PID1: variants seen among roughly 807,000 people sequenced by gnomAD.
PID1 encodes the protein phosphotyrosine interaction domain containing 1.
Under a neutral mutation model 19.1 loss-of-function variants are expected in PID1, and 10 were observed. The observed-to-expected ratio is 0.52, with a 90% CI of 0.32 to 0.89. The LOEUF is 0.89. PID1 is among the 40% of genes least tolerant of loss of function. The pLI is 0.03. For missense variants in PID1, 248 were observed against 285.3 expected (o/e 0.87, Z 0.94); for synonymous variants, 130 against 116.0 (o/e 1.12, Z -0.78).
chr2:229,162,521 T>C (rs1690511453), intron 1 of PID1, among the ~76,000 whole-genome samples: 1 of 152,210 alleles, frequency 6.6e-6, no homozygotes. Context: ...TGGTCAGTTT[T>C]AACTTGCAAA....
intron 1 of PID1, among the ~76,000 whole-genome samples, chr2:229,181,966 T>C (rs1488679232): frequency 6.6e-6 from 1 of 152,226 alleles, no homozygotes; most frequent in Non-Finnish European, 1.5e-5. Context: ...GAAGGCCACA[T>C]ACTGTATGAT....
intron 2 of PID1, among the ~76,000 whole-genome samples, chr2:229,078,677 G>A (rs1254490475): frequency 6.6e-6 from 1 of 152,184 alleles, no homozygotes; most frequent in East Asian, 1.9e-4. Flanking sequence ...CATTGGTTCT[G>A]TTTATGTGAT....
intron 2 of PID1, among the ~76,000 whole-genome samples, chr2:229,060,131 A>G (rs1694182569): frequency 6.6e-6 from 1 of 152,142 alleles, no homozygotes; most frequent in Non-Finnish European, 1.5e-5. Flanking sequence ...GGTGGTGAAA[A>G]TATTTAAAGT....
chr2:229,215,424 T>A (rs1288981823), intron 1 of PID1, among the ~76,000 whole-genome samples: 1 of 152,388 alleles, frequency 6.6e-6, no homozygotes, highest in African/African-American at 2.4e-5. Flanking sequence ...TTTTCTTGAA[T>A]GTATCATTTA....
chr2:229,199,745 T>TATATATATATATATATATATAC (rs1491155550), intron 1 of PID1, among the ~76,000 whole-genome samples: 16 of 122,522 alleles, frequency 1.3e-4, no homozygotes, highest in Non-Finnish European at 2.7e-4. Context: ...TATATATATA[T>TATATATATATATATATATATAC]ACACATACAC....
intron 1 of PID1, among the ~76,000 whole-genome samples, chr2:229,208,456 A>C (rs137924910): frequency 6.6e-6 from 1 of 152,224 alleles, no homozygotes; most frequent in Non-Finnish European, 1.5e-5. Context: ...TAAAGATCCC[A>C]TTTGCAATTA....
chr2:229,053,576 C>T (rs1373725173), intron 2 of PID1, among the ~76,000 whole-genome samples: 1 of 152,202 alleles, frequency 6.6e-6, no homozygotes, highest in African/African-American at 2.4e-5. Flanking sequence ...AGGTCTCCCC[C>T]AGCAAGCCCG....
At chr2:229,207,510 T>C (rs1465469041) in intron 1 of PID1, among the ~76,000 whole-genome samples, 3 of 149,036 alleles carry the variant, frequency 2.0e-5, no homozygotes, top group African/African-American at 5.0e-5. Flanking sequence ...TTGGATCTAG[T>C]AGGACGACCT....
At chr2:229,074,186 C>T (rs1174974509) in intron 2 of PID1, among the ~76,000 whole-genome samples, 2 of 152,100 alleles carry the variant, frequency 1.3e-5, no homozygotes, top group Non-Finnish European at 2.9e-5. Flanking sequence ...TCAACAAATG[C>T]CACAATCTGT....
chr2:229,203,295 G>A (rs1691537523), intron 1 of PID1, among the ~76,000 whole-genome samples: 1 of 152,032 alleles, frequency 6.6e-6, no homozygotes, highest in Admixed American at 6.6e-5. Context: ...TCTACAAAGG[G>A]GATGGGGGAA....
chr2:229,143,151 A>T (rs1690053378), intron 2 of PID1, among the ~76,000 whole-genome samples: 1 of 144,314 alleles, frequency 6.9e-6, no homozygotes, highest in Non-Finnish European at 1.5e-5. Context: ...AACAATGAGA[A>T]CACATGGACA....
intron 2 of PID1, among the ~76,000 whole-genome samples, chr2:229,029,623 C>T (rs556045731): frequency 1.3e-5 from 2 of 151,724 alleles, no homozygotes; most frequent in Non-Finnish European, 2.9e-5. Context: ...GGGCGGAACA[C>T]GAGGTCAGGA....
intron 1 of PID1, among the ~76,000 whole-genome samples, chr2:229,187,034 A>T (rs1218623774): frequency 6.6e-6 from 1 of 152,150 alleles, no homozygotes; most frequent in African/African-American, 2.4e-5. Context: ...CTTTACTAAA[A>T]CATAGCAAGC....
chr2:229,214,771 T>C (rs1278368667), intron 1 of PID1, among the ~76,000 whole-genome samples: 1 of 152,130 alleles, frequency 6.6e-6, no homozygotes. Flanking sequence ...TTATTTTGCT[T>C]TTGTTTTTGT....
chr2:229,124,882 T>A (rs1695591440), intron 2 of PID1, among the ~76,000 whole-genome samples: 1 of 152,200 alleles, frequency 6.6e-6, no homozygotes, highest in African/African-American at 2.4e-5. Context: ...TCACTGTGTA[T>A]CTCCCTATTC....
chr2:229,224,015 T>C (rs1028678423), intron 1 of PID1, among the ~76,000 whole-genome samples: 3 of 152,188 alleles, frequency 2.0e-5, no homozygotes, highest in Non-Finnish European at 4.4e-5. Flanking sequence ...TTCCCATTTA[T>C]AAGTGATAAC....
chr2:229,052,288 G>GA (rs1295395792), intron 2 of PID1, among the ~76,000 whole-genome samples: 9 of 150,954 alleles, frequency 6.0e-5, no homozygotes, highest in African/African-American at 7.3e-5. Context: ...GGCCCCTGGG[G>GA]AAAAAAAAAT....
At chr2:229,156,702 T>C (rs1360914976) in intron 1 of PID1, among the ~76,000 whole-genome samples, 1 of 152,104 alleles carries the variant, frequency 6.6e-6, no homozygotes, top group Non-Finnish European at 1.5e-5. Context: ...AGAGAGATCC[T>C]TCTAAAATCT....
intron 2 of PID1, among the ~76,000 whole-genome samples, chr2:229,041,404 C>A (rs1693767875): frequency 6.6e-6 from 1 of 151,820 alleles, no homozygotes; most frequent in African/African-American, 2.4e-5. Flanking sequence ...GGGTAGGAAT[C>A]CATGAATCAA....
Sources: gnomAD v4.1 joint callset for allele counts (sites outside exome capture counted in the v4.1 genomes callset) on GRCh38, gnomAD v4.1.1 for gene constraint, MANE v1.5 for transcripts, NCBI Gene and HGNC (gene_info 2026-07-23, HGNC 2026-07-21) for gene names.